RBM47: variants seen among roughly 807,000 people sequenced by gnomAD.
RBM47 encodes the protein RNA-binding protein 47.
Under a neutral mutation model 47.1 loss-of-function variants are expected in RBM47, and 21 were observed. That is an observed-to-expected ratio of 0.45 (90% confidence interval 0.32 to 0.64). The LOEUF is 0.64. RBM47 is among the 30% of genes least tolerant of loss of function. The pLI is 0.05. For missense variants in RBM47, 708 were observed against 870.9 expected, an observed-to-expected ratio of 0.81 and a Z score of 2.35; for synonymous variants, 375 against 361.7, an observed-to-expected ratio of 1.04 and a Z score of -0.42.
intron 2 of RBM47, among the ~76,000 whole-genome samples, chr4:40,539,273 C>A (rs563311951): frequency 1.2e-3 from 185 of 152,194 alleles, no homozygotes; most frequent in African/African-American, 4.2e-3. Flanking sequence ...AGTTCCCTAC[C>A]AGTGGTTGGC....
At chr4:40,426,436 T>C (rs1332743373) in intron 6 of RBM47, among the ~76,000 whole-genome samples, 3 of 152,190 alleles carry the variant, frequency 2.0e-5, no homozygotes, top group Non-Finnish European at 4.4e-5. Flanking sequence ...CACAGGTGAT[T>C]GGCTCTAGGA....
At chr4:40,587,871 C>A (rs1733744667) in intron 1 of RBM47, among the ~76,000 whole-genome samples, 1 of 152,212 alleles carries the variant, frequency 6.6e-6, no homozygotes, top group Admixed American at 6.5e-5. Flanking sequence ...GACAAAATTG[C>A]AGTTCCAAGG....
At chr4:40,431,667 AAAAAAG>A (rs1343082483) in intron 6 of RBM47, among the ~76,000 whole-genome samples, 1 of 95,050 alleles carries the variant, frequency 1.1e-5, no homozygotes, top group Non-Finnish European at 2.3e-5. Flanking sequence ...AAAAAAAAAA[AAAAAAG>A]AGAGAGAAAA....
At chr4:40,437,629 C>T in intron 4 of RBM47, 142 bp downstream of exon 4, 1 of 792,724 alleles carries the variant, frequency 1.3e-6, no homozygotes, top group East Asian at 2.6e-5. Context: ...AGAATTAGAC[C>T]CAGAATGCAA....
intron 1 of RBM47, among the ~76,000 whole-genome samples, chr4:40,582,021 C>T (rs1460409367): frequency 1.3e-5 from 2 of 152,072 alleles, no homozygotes; most frequent in Non-Finnish European, 2.9e-5. Context: ...TCCCGGTTGG[C>T]GCCTCTCACT....
intron 3 of RBM47, among the ~76,000 whole-genome samples, chr4:40,456,546 C>CTT (rs772807820): frequency 2.5e-5 from 3 of 118,754 alleles, no homozygotes; most frequent in South Asian, 2.8e-4. Flanking sequence ...GTCCCATTTT[C>CTT]TTTTTTTTTT....
intron 1 of RBM47, among the ~76,000 whole-genome samples, chr4:40,593,365 T>C (rs1271406309): frequency 6.6e-6 from 1 of 152,116 alleles, no homozygotes; most frequent in Non-Finnish European, 1.5e-5. Context: ...ACCTTCAGTA[T>C]TTAACAATGA....
intron 1 of RBM47, among the ~76,000 whole-genome samples, chr4:40,596,349 G>A (rs73134430): frequency 7.9e-5 from 12 of 152,280 alleles, no homozygotes; most frequent in Admixed American, 1.3e-4. Flanking sequence ...TAGGTTTAAG[G>A]GGGGGAAGAG....
intron 2 of RBM47, among the ~76,000 whole-genome samples, chr4:40,505,142 A>G (rs929337410): frequency 6.6e-6 from 1 of 152,046 alleles, no homozygotes; most frequent in African/African-American, 2.4e-5. Context: ...AGTGGCTGTA[A>G]TTGCACCACT....
chr4:40,570,608 G>T (rs1232518589), intron 1 of RBM47, among the ~76,000 whole-genome samples: 1 of 151,926 alleles, frequency 6.6e-6, no homozygotes, highest in Non-Finnish European at 1.5e-5. Flanking sequence ...TGATCTAAAG[G>T]GCGTTCCTGA....
chr4:40,601,541 T>C (rs1735285429), intron 1 of RBM47, among the ~76,000 whole-genome samples: 1 of 152,196 alleles, frequency 6.6e-6, no homozygotes, highest in Non-Finnish European at 1.5e-5. Context: ...ATTCTCTTTT[T>C]GTTAGCTTGA....
intron 5 of RBM47, among the ~76,000 whole-genome samples, chr4:40,433,477 T>C (rs1414927507): frequency 6.6e-6 from 1 of 152,194 alleles, no homozygotes; most frequent in Non-Finnish European, 1.5e-5. Context: ...AGTTTGAATG[T>C]TATTCTTGAT....
intron 2 of RBM47, among the ~76,000 whole-genome samples, chr4:40,496,658 G>C (rs146785861): frequency 2.0e-5 from 3 of 152,264 alleles, no homozygotes; most frequent in African/African-American, 4.8e-5. Context: ...AGTGTGTCAG[G>C]CCGTACTAAG....
At chr4:40,444,308 C>T (rs951094516) in intron 3 of RBM47, among the ~76,000 whole-genome samples, 1 of 152,056 alleles carries the variant, frequency 6.6e-6, no homozygotes, top group African/African-American at 2.4e-5. Flanking sequence ...AAATGCTTAA[C>T]TTATTGTAAT....
intron 3 of RBM47, among the ~76,000 whole-genome samples, chr4:40,460,511 A>G (rs1387911753): frequency 1.3e-5 from 2 of 152,208 alleles, no homozygotes; most frequent in Non-Finnish European, 2.9e-5. Context: ...AGTTCACTCA[A>G]CTGGAAAATG....
chr4:40,540,564 A>C (rs1050136690), intron 2 of RBM47, among the ~76,000 whole-genome samples: 2 of 151,260 alleles, frequency 1.3e-5, no homozygotes, highest in Admixed American at 1.3e-4. Flanking sequence ...GCTTGAAGCC[A>C]GGAGGCGGAG....
Position 40,595,587 on chromosome 4 carries a change from A to G in RBM47, c.-240+33809T>C, listed in dbSNP as rs143271273. On this transcript the variant is annotated intron_variant, in intron 1 of 6. Coordinates refer to ENST00000295971, the MANE Select transcript of RBM47 (RefSeq NM_001098634.2). The stretch of plus-strand genomic sequence containing the variant: ...GAAATCACCCTATCAATTCTTTATC[A>G]TTTATGTTTAAAAGATCAGGCCGGG... 9.5e-3 allele frequency among the ~76,000 whole-genome samples: 1,441 copies of G among 152,132 alleles called. 54 individuals carry two copies. The highest frequency in any genetic ancestry group is 0.058 in the Admixed American group (880 of 15,280).
At chr4:40,580,421 GA>G (rs1214844117) in intron 1 of RBM47, among the ~76,000 whole-genome samples, 5 of 152,028 alleles carry the variant, frequency 3.3e-5, no homozygotes, top group African/African-American at 1.2e-4. Flanking sequence ...AAGAATCCTT[GA>G]ATCAGTTCTC....
intron 1 of RBM47, among the ~76,000 whole-genome samples, chr4:40,625,072 A>G (rs990066256): frequency 1.3e-5 from 2 of 151,218 alleles, no homozygotes; most frequent in Admixed American, 1.3e-4. Flanking sequence ...CTGATCTCGA[A>G]CTCCTGACCT....
Sources: allele counts gnomAD v4.1 joint callset (sites outside exome capture counted in the v4.1 genomes callset), GRCh38; gene constraint gnomAD v4.1.1; transcripts MANE v1.5; gene names NCBI Gene and HGNC (gene_info 2026-07-23, HGNC 2026-07-21).